Variants in VTA1 observed in about 807,000 individuals in gnomAD.
VTA1 encodes the protein vesicle trafficking 1.
VTA1 carries 24 observed loss-of-function variants against 36.9 expected under a neutral mutation model. That is an observed-to-expected ratio of 0.65 (90% CI 0.47 to 0.91). The LOEUF is 0.91. VTA1 is among the 40% of genes least tolerant of loss of function. The pLI is 0.00. For synonymous variants in VTA1, 142 were observed against 130.2 expected (o/e 1.09, Z -0.62); for missense variants, 393 against 377.2 (o/e 1.04, Z -0.35).
rs922308449 is a variant in VTA1 at position 142,178,429 on chromosome 6, G to T, written c.411+8008G>T. Among the ~76,000 whole-genome samples, 3 of 152,042 alleles carry T rather than the reference G, an allele frequency of 2.0e-5. No individual in the cohort carries two copies. The East Asian group carries it at 5.8e-4, about 29-fold the overall frequency. ...AAGTTAATTCATTGCTAGCAGGTCT[G>T]CACTAAAGATCCAAAGAACTAAAGA... On this transcript the variant is annotated intron_variant, in intron 4 of 7. Transcript: ENST00000367630.
chr6:142,169,791 GAAA>G, intron 3 of VTA1, 114 bp downstream of exon 3: 1 of 1,006,686 alleles, frequency 9.9e-7, no homozygotes, highest in Non-Finnish European at 1.3e-6. Flanking sequence ...GGTTTTTTTA[GAAA>G]AAAATTATCA....
rs1776049611 is a variant in VTA1 at position 142,218,767 on chromosome 6, T to A, written c.*124T>A. ...GGTTTTGTTGAATATGACAATGAAA[T>A]CTGTGTGTATCAGATTTTTATTGAA... On this transcript the variant is annotated 3_prime_UTR_variant, in exon 8 of 8. Coordinates refer to ENST00000367630, the MANE Select transcript of VTA1 (RefSeq NM_016485.5). The A allele has an allele frequency of 8.9e-7, 1 of 1,121,172 alleles. No individual in the cohort carries two copies. The highest frequency in any genetic ancestry group is 1.9e-5 in the South Asian group (1 of 53,634). The allele number at this position is 1,121,172 out of a possible 1,614,324, so 69.5% of individuals were successfully genotyped here. A position where few individuals can be genotyped will look rare whatever the true frequency, so the allele number is the denominator to read the frequency against.
At chr6:142,206,253 T>C (rs1160569661) in intron 7 of VTA1, among the ~76,000 whole-genome samples, 5 of 152,192 alleles carry the variant, frequency 3.3e-5, no homozygotes, top group Admixed American at 3.3e-4. Context: ...TTAATTGCTT[T>C]CCACATAGCA....
intron 1 of VTA1, among the ~76,000 whole-genome samples, chr6:142,155,338 G>C (rs955323234): frequency 1.3e-5 from 2 of 152,082 alleles, no homozygotes; most frequent in African/African-American, 4.8e-5. Context: ...TATACATTTA[G>C]TAAGACCTTT....
In VTA1 at chr6:142,181,458, TA is replaced by T. The variant is rs1383165128; in HGVS notation, c.412-7967del. 4.6e-4 allele frequency among the ~76,000 whole-genome samples: 28 copies of T among 60,520 alleles called. No individual in the cohort carries two copies. In the East Asian group the frequency reaches 0.024, roughly 52 times the overall value. The allele number at this position is 60,520 out of a possible 152,430, so 39.7% of individuals were successfully genotyped here. A position where few individuals can be genotyped will look rare whatever the true frequency, so the allele number is the denominator to read the frequency against. ...TGACACACACACTTTTTATATTTTA[TA>T]TATATATATATATATGTATATGTAC... is the stretch of plus-strand genomic sequence containing the variant. On this transcript the variant is annotated intron_variant, in intron 4 of 7. Coordinates refer to ENST00000367630, the MANE Select transcript of VTA1 (RefSeq NM_016485.5).
intron 7 of VTA1, among the ~76,000 whole-genome samples, chr6:142,216,085 C>T (rs1000643499): frequency 1.3e-5 from 2 of 151,904 alleles, no homozygotes; most frequent in East Asian, 1.9e-4. Flanking sequence ...CACTTGCACC[C>T]TCTCTTGTTC....
At chr6:142,168,743 T>C (rs1466065756) in intron 2 of VTA1, among the ~76,000 whole-genome samples, 14 of 55,536 alleles carry the variant, frequency 2.5e-4, no homozygotes, top group Admixed American at 8.6e-4. Context: ...GAGATATCAT[T>C]ATTATTATTA....
chr6:142,179,132 CATAATT>C (rs1305090792), intron 4 of VTA1, among the ~76,000 whole-genome samples: 2 of 151,998 alleles, frequency 1.3e-5, no homozygotes, highest in Non-Finnish European at 2.9e-5. Context: ...AACTCATAAT[CATAATT>C]GGAAATTTTA....
chr6:142,168,907 C>T (rs1286957501), intron 2 of VTA1, among the ~76,000 whole-genome samples: 1 of 151,784 alleles, frequency 6.6e-6, no homozygotes, highest in East Asian at 1.9e-4. Context: ...GCTGGGACTA[C>T]AGCTGCCCGC....
At chr6:142,216,533 T>C (rs1051471302) in intron 7 of VTA1, among the ~76,000 whole-genome samples, 5 of 152,308 alleles carry the variant, frequency 3.3e-5, no homozygotes, top group African/African-American at 1.2e-4. Context: ...TTGTATTTTA[T>C]ATATGAGTTA....
intron 7 of VTA1, among the ~76,000 whole-genome samples, chr6:142,206,352 TTA>T (rs1273444773): frequency 1.3e-5 from 2 of 152,100 alleles, no homozygotes; most frequent in African/African-American, 2.4e-5. Context: ...AAAATACCAT[TTA>T]CATTAGCATT....
intron 4 of VTA1, among the ~76,000 whole-genome samples, chr6:142,171,275 A>G (rs1354470403): frequency 6.6e-6 from 1 of 151,838 alleles, no homozygotes; most frequent in African/African-American, 2.4e-5. Context: ...TTGTATTTTT[A>G]CTAGAGACAG....
chr6:142,215,816 C>T (rs896622007), intron 7 of VTA1, among the ~76,000 whole-genome samples: 3 of 152,172 alleles, frequency 2.0e-5, no homozygotes, highest in African/African-American at 4.8e-5. Context: ...CAACTGAGCA[C>T]GCAGTGATTT....
At chr6:142,197,507 G>A (rs188650396) in intron 5 of VTA1, among the ~76,000 whole-genome samples, 7 of 152,156 alleles carry the variant, frequency 4.6e-5, no homozygotes, top group Admixed American at 1.3e-4. Context: ...TTCGGCTCAC[G>A]ATACAGTATA....
At position 142,222,549 on chromosome 6, in the gene VTA1, A is replaced by G. The variant is rs1776130759; in HGVS notation, c.*3906A>G. 1 of 125,104 alleles carries G rather than the reference A, an allele frequency of 8.0e-6. No homozygotes were observed. The highest frequency in any genetic ancestry group is 2.8e-5 in the African/African-American group (1 of 35,888). The allele number at this position is 125,104 out of a possible 1,614,324, so 7.7% of individuals were successfully genotyped here. ...TTCTAGAAATTTGAGAATTCTATGT[A>G]TGCATTGAAAGATTATATACTGTCT... On this transcript the variant is annotated 3_prime_UTR_variant, in exon 8 of 8. Coordinates refer to ENST00000367630, the MANE Select transcript of VTA1 (RefSeq NM_016485.5).
At chr6:142,156,561 A>G (rs1016208368) in intron 1 of VTA1, among the ~76,000 whole-genome samples, 13 of 152,314 alleles carry the variant, frequency 8.5e-5, no homozygotes, top group African/African-American at 3.1e-4. Flanking sequence ...TAAACTCAGA[A>G]CTTTCCCCTT....
chr6:142,212,768 CAGAG>C (rs961743858), intron 7 of VTA1, among the ~76,000 whole-genome samples: 3 of 152,064 alleles, frequency 2.0e-5, no homozygotes, highest in Non-Finnish European at 4.4e-5. Context: ...CAGCAGGAGA[CAGAG>C]AGGGAAGGGG....
rs1000658518 is a variant in VTA1, at chr6:142,149,953, A to AT, written c.112+2563dup. ...AACTTCCTTGTCTCTTGATTCTGTC[A>AT]TTTTTTTTTATCTCTTTGTCTTTCT... On this transcript the variant is annotated intron_variant, in intron 1 of 7. Transcript: ENST00000367630. 1.1e-3 allele frequency among the ~76,000 whole-genome samples: 163 copies of AT among 150,520 alleles called. 2 individuals are homozygous for AT. The highest frequency in any genetic ancestry group is 5.1e-3 in the South Asian group (24 of 4,748).
intron 2 of VTA1, among the ~76,000 whole-genome samples, chr6:142,167,735 G>A (rs927237643): frequency 6.6e-5 from 10 of 152,300 alleles, no homozygotes; most frequent in Middle Eastern, 3.4e-3. Context: ...GCAGCACTGA[G>A]GAAATTCAGC....
Sources: gnomAD v4.1 joint callset for allele counts (sites outside exome capture counted in the v4.1 genomes callset) on GRCh38, gnomAD v4.1.1 for gene constraint, MANE v1.5 for transcripts, NCBI Gene and HGNC (gene_info 2026-07-23, HGNC 2026-07-21) for gene names.